Variants in ADAMTSL1 observed in about 807,000 individuals in gnomAD.
ADAMTSL1 encodes ADAMTS like 1.
A neutral mutation model predicts 201.8 loss-of-function variants in ADAMTSL1; 126 were observed. The ratio of observed to expected loss-of-function variants is 0.62; its 90% CI spans 0.54 to 0.72. ADAMTSL1 has a LOEUF of 0.72. Ranked by LOEUF, ADAMTSL1 falls within the 30% of genes least tolerant of loss-of-function variation. ADAMTSL1 has a pLI of 0.00. For synonymous variants in ADAMTSL1, 1,121 were observed against 903.4 expected, an observed-to-expected ratio of 1.24 and a Z score of -4.32; for missense variants, 2,679 against 2,277.8, an observed-to-expected ratio of 1.18 and a Z score of -3.59.
intron 14 of ADAMTSL1, among the ~76,000 whole-genome samples, chr9:18,714,102 G>T (rs1832770362): frequency 6.6e-6 from 1 of 152,208 alleles, no homozygotes; most frequent in South Asian, 2.1e-4. Context: ...TCAAGGCAGT[G>T]TGTAGAGGGA....
At chr9:18,323,209 C>A (rs935362136) in intron 2 of ADAMTSL1, among the ~76,000 whole-genome samples, 1 of 151,972 alleles carries the variant, frequency 6.6e-6, no homozygotes, top group South Asian at 2.1e-4. Flanking sequence ...CCAATTAATC[C>A]TAGGAATGTA....
rs564338501 is a variant in ADAMTSL1, at chr9:18,262,805, G to A, written c.207+98824G>A. Among the ~76,000 whole-genome samples the A allele has an allele frequency of 6.6e-5, 10 of 152,324 alleles. No individual in the cohort carries two copies. The East Asian group carries it at 1.7e-3, about 26-fold the overall frequency. Reference sequence around the variant, plus strand: ...GGTTTCTGCAAGTAGGAGAGCAAGAGACTATATGGAATGTTCAAATGACAA... The same window carrying A: ...GGTTTCTGCAAGTAGGAGAGCAAGAAACTATATGGAATGTTCAAATGACAA... On this transcript the variant is annotated intron_variant, in intron 2 of 29. Transcript: ENST00000680146.
At chr9:18,006,590 G>A (rs922516609) in intron 1 of ADAMTSL1, among the ~76,000 whole-genome samples, 8 of 151,880 alleles carry the variant, frequency 5.3e-5, no homozygotes, top group South Asian at 4.1e-4. Context: ...AGTTAGTTAC[G>A]CATGTGAAAA....
At chr9:18,494,859 G>C (rs1822451335) in intron 1 of ADAMTSL1, among the ~76,000 whole-genome samples, 2 of 152,172 alleles carry the variant, frequency 1.3e-5, no homozygotes, top group African/African-American at 4.8e-5. Context: ...GGTCCCATCA[G>C]CTTTAGGCAG....
intron 23 of ADAMTSL1, among the ~76,000 whole-genome samples, chr9:18,842,891 A>G (rs1258998120): frequency 1.3e-5 from 2 of 151,976 alleles, no homozygotes; most frequent in African/African-American, 2.4e-5. Context: ...TGCTTGGTAG[A>G]TCTTCCTCCA....
Position 18,557,695 on chromosome 9 carries a change from C to T in ADAMTSL1, c.238-16335C>T, listed in dbSNP as rs143861977. ...GAGAAATGCTACAGTCTTCTACAAG[C>T]GGTCCATCATGGCATTTATCTTTTA... On this transcript the variant is annotated intron_variant, in intron 3 of 28. Transcript: ENST00000380548. Among the ~76,000 whole-genome samples the T allele has an allele frequency of 1.7e-4, 26 of 152,140 alleles. No homozygotes were observed. The East Asian group carries it at 4.3e-3, about 25-fold the overall frequency.
At chr9:18,099,144 C>T in intron 1 of ADAMTSL1, among the ~76,000 whole-genome samples, 1 of 147,050 alleles carries the variant, frequency 6.8e-6, no homozygotes, top group Admixed American at 6.8e-5. Flanking sequence ...GTTTTTGGTG[C>T]CCTTTATATT....
At chr9:18,601,524 T>C (rs1308665879) in intron 4 of ADAMTSL1, among the ~76,000 whole-genome samples, 3 of 152,168 alleles carry the variant, frequency 2.0e-5, no homozygotes, top group Admixed American at 6.5e-5. Flanking sequence ...ATTACTGAAT[T>C]AATTAGCCAT....
chr9:18,718,868 CT>C (rs1284493754), intron 14 of ADAMTSL1, among the ~76,000 whole-genome samples: 1 of 152,196 alleles, frequency 6.6e-6, no homozygotes, highest in African/African-American at 2.4e-5. Flanking sequence ...TTTTCAACAG[CT>C]GAATAAAGGC....
At chr9:18,845,909 G>A (rs958251906) in intron 23 of ADAMTSL1, among the ~76,000 whole-genome samples, 38 of 152,282 alleles carry the variant, frequency 2.5e-4, no homozygotes, top group Non-Finnish European at 3.5e-4. Context: ...AAGTAGGAGC[G>A]TATATGAGAA....
At chr9:18,600,110 T>C (rs1028597439) in intron 4 of ADAMTSL1, among the ~76,000 whole-genome samples, 3 of 151,794 alleles carry the variant, frequency 2.0e-5, no homozygotes, top group Admixed American at 2.0e-4. Flanking sequence ...TGCTGCATAC[T>C]CTTTGGGGCC....
intron 1 of ADAMTSL1, among the ~76,000 whole-genome samples, chr9:18,068,596 G>A (rs976679770): frequency 6.6e-6 from 1 of 152,068 alleles, no homozygotes; most frequent in South Asian, 2.1e-4. Context: ...TCAACCCAGG[G>A]TTCCTAAAGG....
chr9:18,489,000 C>A (rs1822134049), intron 1 of ADAMTSL1, among the ~76,000 whole-genome samples: 1 of 152,196 alleles, frequency 6.6e-6, no homozygotes, highest in South Asian at 2.1e-4. Context: ...GGGTTCTCAA[C>A]CCTCTTCTGC....
intron 2 of ADAMTSL1, among the ~76,000 whole-genome samples, chr9:18,211,723 C>A (rs1563810858): frequency 6.6e-6 from 1 of 152,196 alleles, no homozygotes; most frequent in African/African-American, 2.4e-5. Context: ...GCATCTGAAG[C>A]TAAAGATACC....
rs192889765 is a variant in ADAMTSL1 at position 18,822,459 on chromosome 9, G to A, written c.3935-3825G>A. Among the ~76,000 whole-genome samples, 37 of 152,306 alleles carry A rather than the reference G, an allele frequency of 2.4e-4. No homozygotes were observed. The East Asian group carries it at 6.9e-3, about 29-fold the overall frequency. On this transcript the variant is annotated intron_variant, in intron 21 of 28. Coordinates refer to ENST00000380548, the MANE Select transcript of ADAMTSL1 (RefSeq NM_001040272.6). ...CAGCAGTTCAGATTTTCTCTCAAGA[G>A]TCAGGCTAGTATAATGGCAGGCGGT...
chr9:18,149,122 A>T (rs2132036117), intron 1 of ADAMTSL1, among the ~76,000 whole-genome samples: 1 of 152,182 alleles, frequency 6.6e-6, no homozygotes, highest in South Asian at 2.1e-4. Context: ...AGCTCCTCTG[A>T]GCCAGGATAC....
intron 2 of ADAMTSL1, among the ~76,000 whole-genome samples, chr9:18,257,891 A>G (rs1305033813): frequency 6.6e-6 from 1 of 152,260 alleles, no homozygotes; most frequent in Non-Finnish European, 1.5e-5. Flanking sequence ...GATTCCAATT[A>G]TAGAAGGCAC....
At chr9:18,690,243 T>C (rs1831132170) in intron 13 of ADAMTSL1, among the ~76,000 whole-genome samples, 2 of 151,438 alleles carry the variant, frequency 1.3e-5, no homozygotes, top group South Asian at 4.1e-4. Context: ...AAAGATATAA[T>C]ATTTAAGCAT....
chr9:18,019,468 G>A (rs1820392918), intron 1 of ADAMTSL1, among the ~76,000 whole-genome samples: 1 of 152,084 alleles, frequency 6.6e-6, no homozygotes, highest in Admixed American at 6.6e-5. Context: ...GAGATCAAAG[G>A]TAATGCCTTG....
Sources: gnomAD v4.1 joint callset for allele counts (sites outside exome capture counted in the v4.1 genomes callset) on GRCh38, gnomAD v4.1.1 for gene constraint, MANE v1.5 for transcripts, NCBI Gene and HGNC (gene_info 2026-07-23, HGNC 2026-07-21) for gene names.